PRORP: variants seen among roughly 807,000 people sequenced by gnomAD.
PRORP encodes mitochondrial ribonuclease P catalytic subunit.
PRORP carries 51 observed loss-of-function variants against 59.4 expected under a neutral mutation model. The observed-to-expected ratio is 0.86, with a 90% CI of 0.69 to 1.08. The LOEUF (loss-of-function observed/expected upper bound fraction) is 1.08. Among genes scored for constraint, PRORP ranks in the 50% least tolerant of loss-of-function variants. PRORP has a pLI of 0.00. For missense variants in PRORP, 646 were observed against 690.3 expected, an observed-to-expected ratio of 0.94 and a Z score of 0.72; for synonymous variants, 231 against 245.6, an observed-to-expected ratio of 0.94 and a Z score of 0.55.
intron 5 of PRORP, among the ~76,000 whole-genome samples, chr14:35,224,371 A>G (rs2049878018): frequency 6.6e-6 from 1 of 152,216 alleles, no homozygotes; most frequent in Admixed American, 6.5e-5. Flanking sequence ...ATATATGTTC[A>G]AAGTGCTTTA....
intron 4 of PRORP, among the ~76,000 whole-genome samples, chr14:35,168,071 A>T (rs540740639): frequency 1.3e-5 from 2 of 152,344 alleles, no homozygotes; most frequent in South Asian, 2.1e-4. Flanking sequence ...AGCCACTGTT[A>T]ACATTCACAT....
intron 5 of PRORP, among the ~76,000 whole-genome samples, chr14:35,237,385 G>A (rs1285209886): frequency 6.6e-6 from 1 of 151,518 alleles, no homozygotes; most frequent in Non-Finnish European, 1.5e-5. Context: ...CAACCACTAT[G>A]CCCAGCTCTG....
chr14:35,148,579 C>T (rs561548172), intron 4 of PRORP, among the ~76,000 whole-genome samples: 4 of 152,136 alleles, frequency 2.6e-5, no homozygotes, highest in South Asian at 4.1e-4. Context: ...GAATGGTAAA[C>T]GGGCATTGAC....
intron 5 of PRORP, among the ~76,000 whole-genome samples, chr14:35,189,954 C>T (rs2048841752): frequency 6.6e-6 from 1 of 151,146 alleles, no homozygotes; most frequent in African/African-American, 2.4e-5. Context: ...ACTAAAAATA[C>T]AAAAATTAGC....
chr14:35,224,206 C>T (rs1595341421), intron 5 of PRORP, among the ~76,000 whole-genome samples: 1 of 151,978 alleles, frequency 6.6e-6, no homozygotes, highest in Non-Finnish European at 1.5e-5. Flanking sequence ...AAATAGAAAA[C>T]TTTTTTTTAT....
intron 5 of PRORP, chr14:35,262,697 G>A: frequency 1.2e-6 from 1 of 812,000 alleles, no homozygotes; most frequent in South Asian, 1.3e-5. Flanking sequence ...TACAGAACAT[G>A]ATCAAGGGTG....
At position 35,271,647 on chromosome 14, in the gene PRORP, G is replaced by A. The variant is rs2051193663; in HGVS notation, c.1620+1051G>A. 2.0e-5 allele frequency among the ~76,000 whole-genome samples: 3 copies of A among 152,120 alleles called. No individual in the cohort carries two copies. In the South Asian group the frequency reaches 6.2e-4, roughly 32 times the overall value. Reference sequence around the variant, plus strand: ...TATCTATAATATAAGGACACATCTTGTGTGAAAGCAAAGGGAGAGAATCCA... The same window carrying A: ...TATCTATAATATAAGGACACATCTTATGTGAAAGCAAAGGGAGAGAATCCA... On this transcript the variant is annotated intron_variant, in intron 7 of 7. Coordinates refer to ENST00000534898, the MANE Select transcript of PRORP (RefSeq NM_014672.4).
rs1199897212 is a variant in PRORP at position 35,277,030 on chromosome 14, T to C, written c.*3464T>C. The C allele has an allele frequency of 1.4e-5, 2 of 145,302 alleles. No individual in the cohort carries two copies. Among genetic ancestry groups the C allele is most frequent in the African/African-American group, 5.0e-5 (2 of 40,166 alleles). The allele number at this position is 145,302 out of a possible 1,614,324, so 9.0% of individuals were successfully genotyped here. On this transcript the variant is annotated 3_prime_UTR_variant, in exon 8 of 8. Transcript: ENST00000534898. ...CTAGCAGATTTCTCACTTTTATTTA[T>C]TTTTTTTTTTGAGACAGAGTCTTGA... is the stretch of plus-strand genomic sequence containing the variant.
rs974948658 is a variant in PRORP, at chr14:35,145,536, A to G, written c.1167+17925A>G. Among the ~76,000 whole-genome samples the G allele has an allele frequency of 2.9e-4, 41 of 142,386 alleles. 6 individuals are homozygous for G. The highest frequency in any genetic ancestry group is 5.6e-4 in the Non-Finnish European group (36 of 64,442). 93.4% of individuals were successfully genotyped at this position (142,386 alleles called of 152,430 possible). ...AGAGATCAAGACTATCCTGGCTAAC[A>G]TGGTGAAACCCCGTCTGTACTAAAA... is the stretch of plus-strand genomic sequence containing the variant. On this transcript the variant is annotated intron_variant, in intron 4 of 7. Coordinates refer to ENST00000534898, the MANE Select transcript of PRORP (RefSeq NM_014672.4).
At chr14:35,148,911 A>ATTTTTTTT (rs1186320988) in intron 4 of PRORP, among the ~76,000 whole-genome samples, 35 of 82,824 alleles carry the variant, frequency 4.2e-4, no homozygotes, top group East Asian at 7.0e-4. Context: ...GCACTTTTTA[A>ATTTTTTTT]TTTTTTTTTT....
intron 5 of PRORP, among the ~76,000 whole-genome samples, chr14:35,234,543 T>TA (rs1363431570): frequency 6.6e-6 from 1 of 152,204 alleles, no homozygotes; most frequent in Non-Finnish European, 1.5e-5. Flanking sequence ...ATGCTAATCA[T>TA]ATATGAGACA....
chr14:35,161,845 C>A (rs1424112450), intron 4 of PRORP, among the ~76,000 whole-genome samples: 1 of 152,010 alleles, frequency 6.6e-6, no homozygotes, highest in African/African-American at 2.4e-5. Context: ...TAAGTAAATT[C>A]TTTTCTATCT....
At chr14:35,153,856 A>G (rs1002647633) in intron 4 of PRORP, among the ~76,000 whole-genome samples, 1 of 152,354 alleles carries the variant, frequency 6.6e-6, no homozygotes, top group East Asian at 1.9e-4. Flanking sequence ...AGAGGTCCTC[A>G]CTCAAGTACT....
intron 4 of PRORP, among the ~76,000 whole-genome samples, chr14:35,147,447 A>G (rs1301757654): frequency 6.6e-6 from 1 of 152,116 alleles, no homozygotes; most frequent in Non-Finnish European, 1.5e-5. Flanking sequence ...GGCTCACATG[A>G]TCCTCCCACC....
chr14:35,244,348 A>G (rs2050433757), intron 5 of PRORP, among the ~76,000 whole-genome samples: 1 of 152,130 alleles, frequency 6.6e-6, no homozygotes, highest in Admixed American at 6.5e-5. Flanking sequence ...TATGAGAGTT[A>G]CTCGATTATG....
intron 5 of PRORP, among the ~76,000 whole-genome samples, chr14:35,223,558 C>G (rs1358099892): frequency 6.7e-6 from 1 of 148,666 alleles, no homozygotes; most frequent in Non-Finnish European, 1.5e-5. Context: ...CTCCCAGGTT[C>G]AAGCAATTCC....
At chr14:35,197,661 A>G (rs1043689029) in intron 5 of PRORP, among the ~76,000 whole-genome samples, 5 of 152,188 alleles carry the variant, frequency 3.3e-5, no homozygotes, top group Non-Finnish European at 7.4e-5. Context: ...AGTATTAGGA[A>G]GGGTATATTG....
At chr14:35,124,832 T>A (rs2047055865) in intron 2 of PRORP, among the ~76,000 whole-genome samples, 2 of 150,964 alleles carry the variant, frequency 1.3e-5, no homozygotes, top group Non-Finnish European at 2.9e-5. Flanking sequence ...ATCTAGCGAC[T>A]GAGATAATAT....
At chr14:35,136,592 C>G (rs1410381241) in intron 4 of PRORP, among the ~76,000 whole-genome samples, 1 of 144,874 alleles carries the variant, frequency 6.9e-6, no homozygotes, top group Non-Finnish European at 1.5e-5. Flanking sequence ...TGAGGCTGGT[C>G]TCGAACTCCC....
Sources: gnomAD v4.1 joint callset for allele counts (sites outside exome capture counted in the v4.1 genomes callset) on GRCh38, gnomAD v4.1.1 for gene constraint, MANE v1.5 for transcripts, NCBI Gene and HGNC (gene_info 2026-07-23, HGNC 2026-07-21) for gene names.